The following SETD1B variants were observed in gnomAD, a reference collection of about 807,000 sequenced individuals.
The protein encoded by SETD1B is SET domain containing 1B, histone lysine methyltransferase, also known as histone-lysine N-methyltransferase SETD1B.
Under a neutral mutation model 148.0 loss-of-function variants are expected in SETD1B, and 7 were observed. The ratio of observed to expected loss-of-function variants is 0.05; its 90% confidence interval spans 0.03 to 0.09. SETD1B has a LOEUF of 0.09. Ranked by LOEUF, SETD1B falls within the 10% of genes least tolerant of loss-of-function variation. SETD1B has a pLI of 1.00. For missense variants in SETD1B, 2,155 were observed against 2,729.9 expected (o/e 0.79, Z 4.69); for synonymous variants, 1,361 against 1,186.5 (o/e 1.15, Z -3.02).
rs1875867078 is a variant in SETD1B, at chr12:121,808,760, C to T, written c.657+440C>T. Among the ~76,000 whole-genome samples the T allele has an allele frequency of 6.6e-6, 1 of 152,254 alleles. No homozygotes were observed. The highest frequency in any genetic ancestry group is 2.1e-4 in the South Asian group (1 of 4,830). On this transcript the variant is annotated intron_variant, in intron 5 of 16. Transcript: ENST00000604567. The surrounding 1 kb of genome is among the most constrained non-coding windows in gnomAD (Gnocchi z 5.3). ...CAGAGCAAGGCTGACTCCTTCCAAA[C>T]CACTGCCTTCCAGGACACAGGGACA...
chr12:121,793,593 C>T, the SETD1B span: 1 of 1,552,170 alleles, frequency 6.4e-7, no homozygotes. Flanking sequence ...CCTGCCCGGA[C>T]CGGGGGCGGC....
At chr12:121,822,156 C>T (rs182304173) in intron 11 of SETD1B, among the ~76,000 whole-genome samples, 1 of 152,332 alleles carries the variant, frequency 6.6e-6, no homozygotes, top group Admixed American at 6.5e-5. Context: ...AAGGCTCCGA[C>T]AAGTCCTGCA....
At chr12:121,790,196 C>T in the SETD1B span, among the ~76,000 whole-genome samples, 1 of 152,380 alleles carries the variant, frequency 6.6e-6, no homozygotes, top group Non-Finnish European at 1.5e-5. Flanking sequence ...AGCGTCCGGC[C>T]CCTGCCCAGG....
At chr12:121,798,346 A>G in the SETD1B span, among the ~76,000 whole-genome samples, 6 of 152,332 alleles carry the variant, frequency 3.9e-5, no homozygotes, top group Non-Finnish European at 4.4e-5. Flanking sequence ...GGAGCGCCAG[A>G]TTCCCCTTTG....
Position 121,817,614 on chromosome 12 carries a change from C to G in SETD1B, c.3222C>G (p.Thr1074=), listed in dbSNP as rs183976176. Reference sequence around the variant, plus strand: ...ACAAGGAGGAGGAACAGGAGAGCACCGAGGAGGAAGAGGAGGCGGAGGAGG... The same window carrying G: ...ACAAGGAGGAGGAACAGGAGAGCACGGAGGAGGAAGAGGAGGCGGAGGAGG... ...ASDKEEEQES[T]EEEEEAEEEE... The change falls in exon 9 of 17, where the codon ACC becomes ACG. Residue 1074 remains threonine, a synonymous_variant. Coordinates refer to ENST00000604567, the MANE Select transcript of SETD1B (RefSeq NM_001353345.2). The surrounding 1 kb of genome is among the most constrained non-coding windows in gnomAD (Gnocchi z 8.1). 1.3e-6 allele frequency: 2 copies of G among 1,551,488 alleles called. No individual in the cohort carries two copies. Among genetic ancestry groups the G allele is most frequent in the East Asian group, 2.4e-5 (1 of 40,908 alleles).
At chr12:121,799,209 A>G (rs895951), upstream of SETD1B, 118,948 of 152,210 alleles carry the variant, frequency 0.78, 47,135 homozygotes, top group East Asian at 0.98. Context: ...TGGAGGCTAT[A>G]CCGCTTACGC....
chr12:121,793,437 T>C, the SETD1B span: 6 of 1,529,840 alleles, frequency 3.9e-6, no homozygotes, highest in Non-Finnish European at 5.3e-6. Context: ...GGGTCGGGGC[T>C]CTGGGCTCAG....
chr12:121,806,616 A>G (rs1051757515), intron 4 of SETD1B, among the ~76,000 whole-genome samples: 1 of 152,006 alleles, frequency 6.6e-6, no homozygotes, highest in African/African-American at 2.4e-5. Context: ...ATCTGGGGCC[A>G]GGAGTGTTGT....
chr12:121,812,859 C>T (rs907144665), intron 6 of SETD1B, among the ~76,000 whole-genome samples: 1 of 152,116 alleles, frequency 6.6e-6, no homozygotes, highest in Non-Finnish European at 1.5e-5. Context: ...CGTCCTCCTA[C>T]CCCGCTACCT....
chr12:121,804,619 A>T lies in SETD1B; in HGVS notation c.-14-105A>T, dbSNP rs998480501. The T allele has an allele frequency of 3.4e-5, 32 of 928,164 alleles. No individual in the cohort carries two copies. The highest frequency in any genetic ancestry group is 4.7e-5 in the Non-Finnish European group (30 of 632,588). The allele number at this position is 928,164 out of a possible 1,614,324, so 57.5% of individuals were successfully genotyped here. A position where few individuals can be genotyped will look rare whatever the true frequency, so the allele number is the denominator to read the frequency against. Reference sequence around the variant, plus strand: ...CAGCTCCTTTCGGGGCGCGCTGGCAAGGTGGGAGGGGGTGGGGGCCTGCCG... The same window carrying T: ...CAGCTCCTTTCGGGGCGCGCTGGCATGGTGGGAGGGGGTGGGGGCCTGCCG... On this transcript the variant is annotated intron_variant, in intron 1 of 16. Coordinates refer to ENST00000604567, the MANE Select transcript of SETD1B (RefSeq NM_001353345.2). The surrounding 1 kb of genome is among the most constrained non-coding windows in gnomAD (Gnocchi z 4.6).
upstream of SETD1B, chr12:121,803,196 G>A (rs576747621): frequency 2.8e-5 from 4 of 141,622 alleles, no homozygotes; most frequent in African/African-American, 1.1e-4. This position sits in a 1 kb window ranked among gnomAD's most constrained non-coding sequence, Gnocchi z 4.7. Context: ...GAGCCTCGGA[G>A]TTGAACTCAC....
chr12:121,813,542 C>A (rs1426005959), intron 6 of SETD1B, among the ~76,000 whole-genome samples: 1 of 151,958 alleles, frequency 6.6e-6, no homozygotes, highest in Non-Finnish European at 1.5e-5. Context: ...CCTCGTGGGG[C>A]AAAAATGGAG....
chr12:121,822,788 G>C lies in SETD1B; in HGVS notation c.4209G>C (p.Val1403=), dbSNP rs1204826860. The stretch of plus-strand genomic sequence containing the variant: ...GCCTGTCCCTGAGCTCTCCGCAAGT[G>C]CCCGGCAGCCCCTTCTCCTACCCAG... ...SSGLSLSSPQ[V]PGSPFSYPAP... is the part of the protein sequence containing the mutation. The change falls in exon 12 of 17, where the codon GTG becomes GTC. Residue 1403 remains valine (V), a synonymous_variant. Transcript: ENST00000604567. 1 of 1,511,668 alleles carries C rather than the reference G, an allele frequency of 6.6e-7. No individual in the cohort carries two copies. The highest frequency in any genetic ancestry group is 1.3e-5 in the South Asian group (1 of 78,700). The allele number at this position is 1,511,668 out of a possible 1,614,324, so 93.6% of individuals were successfully genotyped here.
rs1875718609 is a variant in SETD1B, at chr12:121,805,915, C to T, written c.354C>T (p.Phe118=). 1 of 1,551,554 alleles carries T rather than the reference C, an allele frequency of 6.4e-7. No homozygotes were observed. Among genetic ancestry groups the T allele is most frequent in the Non-Finnish European group, 8.7e-7 (1 of 1,146,962 alleles). ...AKLNDNIREN[F]LRDMCKKYGE... is the part of the protein sequence containing the mutation. ...TGAATGATAACATCCGTGAAAACTT[C>T]CTGAGGGACATGTGCAAGAAGTATG... Residue 118 remains phenylalanine, a synonymous_variant, in exon 4 of 17, where the codon TTC becomes TTT. Coordinates refer to ENST00000604567, the MANE Select transcript of SETD1B (RefSeq NM_001353345.2). This position sits in a 1 kb window ranked among gnomAD's most constrained non-coding sequence, Gnocchi z 4.2.
rs966212690 is a variant in SETD1B, at chr12:121,810,925, A to G, written c.1890+90A>G. 7 of 1,409,786 alleles carry G rather than the reference A, an allele frequency of 5.0e-6. No homozygotes were observed. The highest frequency in any genetic ancestry group is 6.6e-6 in the Non-Finnish European group (7 of 1,067,088). 87.3% of individuals were successfully genotyped at this position (1,409,786 alleles called of 1,614,324 possible). On this transcript the variant is annotated intron_variant, in intron 6 of 16. Coordinates refer to ENST00000604567, the MANE Select transcript of SETD1B (RefSeq NM_001353345.2). This position sits in a 1 kb window ranked among gnomAD's most constrained non-coding sequence, Gnocchi z 7.6. ...TTCAAGCATTTAGCATGACTAGCTA[A>G]GATGCGGAAGCAATGGGGCTAGGAA...
upstream of SETD1B, chr12:121,802,438 A>G (rs1289865754): frequency 1.3e-5 from 2 of 152,256 alleles, no homozygotes; most frequent in East Asian, 1.9e-4. Context: ...TCCTAAAGCT[A>G]TATACATTTA....
Position 121,817,604 on chromosome 12 carries a change from A to G in SETD1B, c.3212A>G (p.Gln1071Arg), listed in dbSNP as rs1876358554. 6.4e-7 allele frequency: 1 copy of G among 1,551,552 alleles called. No homozygotes were observed. The highest frequency in any genetic ancestry group is 1.4e-5 in the African/African-American group (1 of 73,172). Residue 1071 changes from glutamine (Q) to arginine (R), a missense_variant, in exon 9 of 17, where the codon CAG becomes CGG. Around this residue, in one of 11 missense-constraint regions of SETD1B, gnomAD observed 862 missense variants for 873.8 expected, o/e 0.99. Transcript: ENST00000604567. The surrounding 1 kb of genome is among the most constrained non-coding windows in gnomAD (Gnocchi z 8.1). ...TCGGCCTCCGACAAGGAGGAGGAACAGGAGAGCACCGAGGAGGAAGAGGAG... is the reference window on the plus strand; with the variant it reads ...TCGGCCTCCGACAAGGAGGAGGAACGGGAGAGCACCGAGGAGGAAGAGGAG... ...SSSASDKEEE[Q>R]ESTEEEEEAE...
At chr12:121,824,545 G>T (rs1876746748) in intron 12 of SETD1B, among the ~76,000 whole-genome samples, 1 of 152,168 alleles carries the variant, frequency 6.6e-6, no homozygotes, top group Admixed American at 6.5e-5. Context: ...TACTCTGGAG[G>T]CTGAGGCAGG....
chr12:121,804,758 C>T lies in SETD1B; in HGVS notation c.21C>T (p.Pro7=). MENSHP[P]HHHHQQPPPQ... is the part of the protein sequence containing the mutation. ...ACGGCATGGAGAACAGTCACCCCCC[C>T]CACCACCACCACCAGCAGCCCCCGC... Residue 7 remains proline, a synonymous_variant, in exon 2 of 17, where the codon CCC becomes CCT. Coordinates refer to ENST00000604567, the MANE Select transcript of SETD1B (RefSeq NM_001353345.2). This position sits in a 1 kb window ranked among gnomAD's most constrained non-coding sequence, Gnocchi z 4.6. The T allele has an allele frequency of 6.5e-7, 1 of 1,547,958 alleles. No individual in the cohort carries two copies. The highest frequency in any genetic ancestry group is 8.7e-7 in the Non-Finnish European group (1 of 1,145,270).
Sources: allele counts gnomAD v4.1 joint callset (sites outside exome capture counted in the v4.1 genomes callset), GRCh38; gene constraint gnomAD v4.1.1; regional missense constraint gnomAD v4.1.1; non-coding constraint Gnocchi (gnomAD v3.1); transcripts MANE v1.5; gene names NCBI Gene and HGNC (gene_info 2026-07-23, HGNC 2026-07-21).